Variants in HIPK2 observed in about 807,000 individuals in gnomAD.
HIPK2 encodes the protein homeodomain-interacting protein kinase 2.
A neutral mutation model predicts 113.7 loss-of-function variants in HIPK2; 27 were observed. The ratio of observed to expected loss-of-function variants is 0.24; its 90% CI spans 0.17 to 0.33. The LOEUF (loss-of-function observed/expected upper bound fraction) is 0.33, where lower values mean the gene tolerates loss of function less well. Ranked by LOEUF, HIPK2 falls within the 10% of genes least tolerant of loss-of-function variation. HIPK2 has a pLI of 1.00. For synonymous variants in HIPK2, 631 were observed against 642.2 expected, an observed-to-expected ratio of 0.98 and a Z score of 0.26; for missense variants, 1,257 against 1,588.0, an observed-to-expected ratio of 0.79 and a Z score of 3.54.
intron 11 of HIPK2, among the ~76,000 whole-genome samples, chr7:139,598,858 T>C (rs879929934): frequency 3.3e-5 from 5 of 152,230 alleles, no homozygotes; most frequent in South Asian, 2.1e-4. Flanking sequence ...GTGGACTTTG[T>C]TGCCACCCAG....
In HIPK2 at chr7:139,716,877, T is replaced by G; in HGVS notation, c.158A>C (p.Gln53Pro). Residue 53 changes from glutamine (Q) to proline (P), a missense_variant, in exon 2 of 15, where the codon CAG becomes CCG. This residue lies in a region of HIPK2 where 209 missense variants were observed against 237.8 expected (regional missense o/e 0.88). Transcript: ENST00000406875. The surrounding 1 kb of genome is among the most constrained non-coding windows in gnomAD (Gnocchi z 9.3). Reference sequence around the variant, plus strand: ...CTGCGACAGGGGGATGTTCTTGCTCTGGCTATACACTTTGCTGTGGGAGCC... The same window carrying G: ...CTGCGACAGGGGGATGTTCTTGCTCGGGCTATACACTTTGCTGTGGGAGCC... ...GYGSHSKVYS[Q>P]SKNIPLSQPA... The G allele has an allele frequency of 6.2e-7, 1 of 1,613,940 alleles. No homozygotes were observed. Among genetic ancestry groups the G allele is most frequent in the African/African-American group, 1.3e-5 (1 of 75,032 alleles).
At chr7:139,675,486 T>C (rs1272340346) in intron 2 of HIPK2, among the ~76,000 whole-genome samples, 1 of 152,154 alleles carries the variant, frequency 6.6e-6, no homozygotes, top group Non-Finnish European at 1.5e-5. Flanking sequence ...TCTCATCTTA[T>C]TTCTCACATG....
chr7:139,775,927 A>G (rs1796734042), intron 1 of HIPK2, among the ~76,000 whole-genome samples: 1 of 152,212 alleles, frequency 6.6e-6, no homozygotes. Flanking sequence ...CGTTTACTAT[A>G]GTTCTGAATT....
rs1183838417 is a variant in HIPK2, at chr7:139,571,984, G to A, written c.*943C>T. ...CAATTACATTGAGGAATATTCTATT[G>A]GTATCATTGGAGTTGAACACAAGGT... On this transcript the variant is annotated 3_prime_UTR_variant, in exon 15 of 15. Coordinates refer to ENST00000406875, the MANE Select transcript of HIPK2 (RefSeq NM_022740.5). 2 of 152,208 alleles carry A rather than the reference G, an allele frequency of 1.3e-5. No individual in the cohort carries two copies. The highest frequency in any genetic ancestry group is 2.9e-5 in the Non-Finnish European group (2 of 68,030). The allele number at this position is 152,208 out of a possible 1,614,324, so 9.4% of individuals were successfully genotyped here.
chr7:139,760,314 T>C (rs959680338), intron 1 of HIPK2, among the ~76,000 whole-genome samples: 8 of 134,934 alleles, frequency 5.9e-5, no homozygotes, highest in East Asian at 1.9e-4. Context: ...CACATCTACA[T>C]AGTTTTGACC....
intron 11 of HIPK2, 99 bp from the exon 12 acceptor site, chr7:139,597,097 T>G (rs1799248856): frequency 7.6e-7 from 1 of 1,313,048 alleles, no homozygotes; most frequent in Non-Finnish European, 1.0e-6. Flanking sequence ...TTGCCAAATC[T>G]CTGTAAAACA....
intron 1 of HIPK2, among the ~76,000 whole-genome samples, chr7:139,746,621 T>C (rs912999450): frequency 6.6e-6 from 1 of 152,200 alleles, no homozygotes; most frequent in Non-Finnish European, 1.5e-5. Context: ...GCTGCACATG[T>C]GGCACAAGCT....
chr7:139,693,992 T>C (rs755535791), intron 2 of HIPK2, among the ~76,000 whole-genome samples: 9 of 152,188 alleles, frequency 5.9e-5, no homozygotes, highest in African/African-American at 1.2e-4. Context: ...GTGCAGTCTT[T>C]CCTTGAAGTG....
intron 1 of HIPK2, among the ~76,000 whole-genome samples, chr7:139,721,103 TG>T (rs1437716535): frequency 6.6e-6 from 1 of 152,176 alleles, no homozygotes; most frequent in Non-Finnish European, 1.5e-5. Flanking sequence ...TGGCCTGGTG[TG>T]GCCCCTGCTG....
intron 6 of HIPK2, among the ~76,000 whole-genome samples, chr7:139,625,575 A>G (rs1163906302): frequency 2.6e-5 from 4 of 152,156 alleles, no homozygotes; most frequent in African/African-American, 9.7e-5. Context: ...GGTCCTGCCC[A>G]TGGGGGAGTG....
chr7:139,638,656 C>CTTTTTTT lies in HIPK2; in HGVS notation c.1104-6938_1104-6932dup, dbSNP rs1184555180. Among the ~76,000 whole-genome samples the CTTTTTTT allele has an allele frequency of 5.6e-4, 73 of 130,246 alleles. 1 individual carries two copies. Among genetic ancestry groups the CTTTTTTT allele is most frequent in the African/African-American group, 2.2e-3 (71 of 32,920 alleles). 85.4% of individuals were successfully genotyped at this position (130,246 alleles called of 152,430 possible). On this transcript the variant is annotated intron_variant, in intron 2 of 14. Coordinates refer to ENST00000406875, the MANE Select transcript of HIPK2 (RefSeq NM_022740.5). ...CTGGAGAAAGAGAGTAAATAATTGT[C>CTTTTTTT]TTTTTTTTTTTTTTTTTTTGAGACA...
intron 2 of HIPK2, among the ~76,000 whole-genome samples, chr7:139,661,408 G>A (rs1274025702): frequency 6.6e-6 from 1 of 152,156 alleles, no homozygotes; most frequent in African/African-American, 2.4e-5. Context: ...TGCAGGATAA[G>A]TCTACCCATC....
intron 2 of HIPK2, among the ~76,000 whole-genome samples, chr7:139,653,886 C>T (rs1801559055): frequency 1.3e-5 from 2 of 152,044 alleles, no homozygotes; most frequent in Admixed American, 6.5e-5. Context: ...GTGCCTGCCA[C>T]CACGCCCGGC....
intron 7 of HIPK2, among the ~76,000 whole-genome samples, chr7:139,617,513 A>G (rs968356951): frequency 3.9e-5 from 6 of 152,254 alleles, no homozygotes; most frequent in African/African-American, 1.4e-4. Flanking sequence ...GTAGAAGGCT[A>G]GGTCCAAATA....
rs1467984731 is a variant in HIPK2 at position 139,777,861 on chromosome 7, G to GCT, written c.-240_-239dup. On this transcript the variant is annotated 5_prime_UTR_variant, in exon 1 of 15. Transcript: ENST00000406875. ...CCGGGCCCGGCGCGGGGGGCTCGGG[G>GCT]CTCGGGGCTCGGGGCGGCCGGGCGG... is the stretch of plus-strand genomic sequence containing the variant. 6.2e-5 allele frequency: 9 copies of GCT among 146,284 alleles called. No homozygotes were observed. The highest frequency in any genetic ancestry group is 2.3e-4 in the African/African-American group (9 of 39,792). The allele number at this position is 146,284 out of a possible 1,614,324, so 9.1% of individuals were successfully genotyped here.
chr7:139,651,413 A>G (rs567105311), intron 2 of HIPK2, among the ~76,000 whole-genome samples: 2 of 152,324 alleles, frequency 1.3e-5, no homozygotes, highest in African/African-American at 2.4e-5. Flanking sequence ...GATATTCCTA[A>G]AAGTTTGGAT....
chr7:139,689,987 C>T (rs2116772607), intron 2 of HIPK2, among the ~76,000 whole-genome samples: 1 of 148,312 alleles, frequency 6.7e-6, no homozygotes, highest in East Asian at 2.1e-4. Context: ...GTGCCGGGCA[C>T]CTCGGTGTGC....
At chr7:139,592,794 G>C (rs1799072291) in intron 12 of HIPK2, among the ~76,000 whole-genome samples, 1 of 152,212 alleles carries the variant, frequency 6.6e-6, no homozygotes, top group Non-Finnish European at 1.5e-5. Context: ...AAGAAGACCA[G>C]TTCTACTACT....
Position 139,604,091 on chromosome 7 carries a change from C to T in HIPK2, c.2245G>A (p.Ala749Thr), listed in dbSNP as rs530745135. Residue 749 changes from alanine to threonine, a missense_variant, in exon 10 of 15, where the codon GCG becomes ACG. Ala to Thr is a moderately conservative substitution (Grantham distance 58, BLOSUM62 0). Around this residue, in one of 5 missense-constraint regions of HIPK2, gnomAD observed 862 missense variants for 1,004.3 expected, o/e 0.86. Coordinates refer to ENST00000406875, the MANE Select transcript of HIPK2 (RefSeq NM_022740.5). Reference sequence around the variant, plus strand: ...GGGTTTCCTGCTTACCTCCAGTCCGCCAGCTGCTGGGTGCCTGCCATGGTC... The same window carrying T: ...GGGTTTCCTGCTTACCTCCAGTCCGTCAGCTGCTGGGTGCCTGCCATGGTC... ...PETMAGTQQLADWRNTHAHGS... is the reference protein window; with the variant it reads ...PETMAGTQQLTDWRNTHAHGS... The T allele has an allele frequency of 2.7e-5, 43 of 1,613,910 alleles. No homozygotes were observed. In the East Asian group the frequency reaches 8.7e-4, roughly 33 times the overall value.
Sources: allele counts gnomAD v4.1 joint callset (sites outside exome capture counted in the v4.1 genomes callset), GRCh38; gene constraint gnomAD v4.1.1; regional missense constraint gnomAD v4.1.1; non-coding constraint Gnocchi (gnomAD v3.1); transcripts MANE v1.5; gene names NCBI Gene and HGNC (gene_info 2026-07-23, HGNC 2026-07-21).